Variants in DST observed in about 807,000 individuals in gnomAD.
The protein encoded by DST is dystonin.
DST carries 253 observed loss-of-function variants against 875.2 expected under a neutral mutation model. The ratio of observed to expected loss-of-function variants is 0.29; its 90% CI spans 0.26 to 0.32. The LOEUF (loss-of-function observed/expected upper bound fraction) is 0.32, where lower values mean the gene tolerates loss of function less well. DST is among the 10% of genes least tolerant of loss of function. The pLI, the probability that DST is intolerant of heterozygous loss-of-function variation, is 1.00. For synonymous variants in DST, 3,124 were observed against 3,197.1 expected (o/e 0.98, Z 0.77); for missense variants, 8,287 against 9,111.6 (o/e 0.91, Z 3.68).
chr6:56,598,107 AG>A, intron 46 of DST, 101 bp from the exon 47 acceptor site: 1 of 1,161,420 alleles, frequency 8.6e-7, no homozygotes, highest in Non-Finnish European at 1.1e-6. Flanking sequence ...AATTAGAATG[AG>A]GGTACTAAAA....
chr6:56,535,081 G>A, intron 63 of DST, 41 bp downstream of exon 63: 1 of 1,599,698 alleles, frequency 6.3e-7, no homozygotes, highest in Non-Finnish European at 8.5e-7. Context: ...TTGTTATTAA[G>A]ATTTAATATG....
At chr6:56,651,457 T>C (rs1422490208) in intron 10 of DST, among the ~76,000 whole-genome samples, 1 of 152,204 alleles carries the variant, frequency 6.6e-6, no homozygotes, top group Non-Finnish European at 1.5e-5. Context: ...ATATAACAAT[T>C]TGAACATATA....
chr6:56,672,494 T>C (rs2099106869), intron 9 of DST, among the ~76,000 whole-genome samples: 1 of 152,198 alleles, frequency 6.6e-6, no homozygotes, highest in African/African-American at 2.4e-5. Context: ...ATTTCTTTTT[T>C]TTTTATGTGA....
In DST at chr6:56,601,561, A is replaced by C. The variant is rs1383599689; in HGVS notation, c.11423T>G (p.Leu3808Arg). ...CTGAGTTGTATTTAAGAGCCTCAGC[A>C]GTTGTTTGCTTTGGTTGGGAGACAG... ...QDLSPNQSKQ[L>R]LRLLNTTQKC... Residue 3808 changes from leucine to arginine, a missense_variant, in exon 44 of 104, where the codon CTG becomes CGG. By Grantham distance (102) the Leu-to-Arg change is moderately radical (BLOSUM62 -2). Around this residue, in one of 10 missense-constraint regions of DST, gnomAD observed 3,138 missense variants for 3,116.6 expected, o/e 1.01. Transcript: ENST00000680361. 36 of 1,604,290 alleles carry C rather than the reference A, an allele frequency of 2.2e-5. No individual in the cohort carries two copies. Among genetic ancestry groups the C allele is most frequent in the Non-Finnish European group, 3.0e-5 (35 of 1,175,440 alleles).
intron 10 of DST, among the ~76,000 whole-genome samples, chr6:56,669,996 C>T (rs1185616085): frequency 6.6e-6 from 1 of 152,140 alleles, no homozygotes; most frequent in Non-Finnish European, 1.5e-5. Context: ...GAACTGGAAA[C>T]TTGTGGGCTA....
rs78224909 is a variant in DST at position 56,768,183 on chromosome 6, T to C, written c.626-32894A>G. On this transcript the variant is annotated intron_variant, in intron 4 of 103. Transcript: ENST00000680361. ...GAAAAAGTTTCTCAACACAGAATATTTACCAAGTGCTTATTTCTAAGGTAT... is the reference window on the plus strand; with the variant it reads ...GAAAAAGTTTCTCAACACAGAATATCTACCAAGTGCTTATTTCTAAGGTAT... 3.4e-3 allele frequency among the ~76,000 whole-genome samples: 515 copies of C among 152,260 alleles called. 4 individuals are homozygous for C. The highest frequency in any genetic ancestry group is 0.012 in the African/African-American group (500 of 41,562).
At chr6:56,554,573 G>A (rs1417525341) in intron 60 of DST, among the ~76,000 whole-genome samples, 1 of 152,124 alleles carries the variant, frequency 6.6e-6, no homozygotes. Flanking sequence ...TACAGTACAT[G>A]TAAAGCTTTT....
intron 55 of DST, among the ~76,000 whole-genome samples, chr6:56,563,861 GAT>G (rs759729901): frequency 1.3e-5 from 2 of 152,142 alleles, no homozygotes; most frequent in Non-Finnish European, 2.9e-5. Context: ...GCTTTTGTCA[GAT>G]TTGTCAAAGA....
At chr6:56,885,138 C>A (rs889186724) in intron 3 of DST, among the ~76,000 whole-genome samples, 1 of 152,184 alleles carries the variant, frequency 6.6e-6, no homozygotes, top group Non-Finnish European at 1.5e-5. Flanking sequence ...AATGGACTCA[C>A]ATACAGGCTA....
chr6:56,853,380 A>T (rs1766249860), intron 3 of DST, among the ~76,000 whole-genome samples: 1 of 152,176 alleles, frequency 6.6e-6, no homozygotes, highest in South Asian at 2.1e-4. Context: ...CTTTTCTGAA[A>T]ATCCATCTTG....
At chr6:56,485,619 G>A (rs948128277) in intron 87 of DST, 148 bp from the exon 88 acceptor site, 4 of 801,628 alleles carry the variant, frequency 5.0e-6, no homozygotes, top group Admixed American at 6.0e-5. Context: ...GCTCTTCTTA[G>A]GAAAAAGACA....
At chr6:56,486,309 G>A (rs970306722) in intron 87 of DST, among the ~76,000 whole-genome samples, 2 of 139,066 alleles carry the variant, frequency 1.4e-5, no homozygotes, top group Non-Finnish European at 3.0e-5. Context: ...CTCGCAGTGA[G>A]CCGAGATCCC....
chr6:56,666,556 C>G (rs2099073319), intron 10 of DST, among the ~76,000 whole-genome samples: 1 of 152,014 alleles, frequency 6.6e-6, no homozygotes, highest in Non-Finnish European at 1.5e-5. Context: ...GAAACCAAAC[C>G]CACTGTGCCA....
chr6:56,795,551 A>T (rs1412839613), intron 4 of DST, among the ~76,000 whole-genome samples: 2 of 152,192 alleles, frequency 1.3e-5, no homozygotes, highest in African/African-American at 4.8e-5. Flanking sequence ...AAAAGACACT[A>T]AAACAGTAGT....
chr6:56,481,983 T>C, intron 90 of DST, 67 bp downstream of exon 90: 2 of 1,512,066 alleles, frequency 1.3e-6, no homozygotes, highest in Non-Finnish European at 1.8e-6. Flanking sequence ...ATATTTGTAA[T>C]CCCGAGTCTA....
chr6:56,684,981 GC>G (rs1221544514), intron 9 of DST, among the ~76,000 whole-genome samples: 6 of 144,024 alleles, frequency 4.2e-5, no homozygotes, highest in African/African-American at 1.6e-4. Context: ...TTAACCAACA[GC>G]CCCCACCCAC....
chr6:56,559,355 T>G (rs2097494777), intron 58 of DST, among the ~76,000 whole-genome samples: 1 of 152,070 alleles, frequency 6.6e-6, no homozygotes, highest in South Asian at 2.1e-4. Context: ...TAATTACAAC[T>G]TGACAGGAAT....
In DST at chr6:56,494,080, T is replaced by C. The variant is rs538004622; in HGVS notation, c.20324A>G (p.Asn6775Ser). 34 of 1,611,822 alleles carry C rather than the reference T, an allele frequency of 2.1e-5. No individual in the cohort carries two copies. The highest frequency in any genetic ancestry group is 1.7e-4 in the Middle Eastern group (1 of 6,052). ...LARCPKSAET[N>S]IDQDINNLKE... is the part of the protein sequence containing the mutation. ...CAAGTTATTTATGTCTTGGTCAATA[T>C]TTGTCTCTGCAGATTTTGGGCATCT... is the stretch of plus-strand genomic sequence containing the variant. The change falls in exon 83 of 104, where the codon AAT becomes AGT. Residue 6775 changes from asparagine (N) to serine (S), a missense_variant. Transcript: ENST00000680361.
rs377110563 is a variant in DST, at chr6:56,617,116, G to C, written c.4930-2632C>G. 5.6e-6 allele frequency: 9 copies of C among 1,611,610 alleles called. No homozygotes were observed. The highest frequency in any genetic ancestry group is 6.8e-6 in the Non-Finnish European group (8 of 1,178,540). On this transcript the variant is annotated intron_variant, in intron 36 of 103. Transcript: ENST00000680361. Reference sequence around the variant, plus strand: ...GAACTTCTTCAACAGTCTTAAGACCGAGTCGCAGCTGCTCAATTGTTCTCA... The same window carrying C: ...GAACTTCTTCAACAGTCTTAAGACCCAGTCGCAGCTGCTCAATTGTTCTCA...
Sources: allele counts gnomAD v4.1 joint callset (sites outside exome capture counted in the v4.1 genomes callset), GRCh38; gene constraint gnomAD v4.1.1; regional missense constraint gnomAD v4.1.1; transcripts MANE v1.5; gene names NCBI Gene and HGNC (gene_info 2026-07-23, HGNC 2026-07-21).